COMMD8: variants seen among roughly 807,000 people sequenced by gnomAD.
COMMD8 encodes COMM domain-containing protein 8.
A neutral mutation model predicts 27.2 loss-of-function variants in COMMD8; 28 were observed. The ratio of observed to expected loss-of-function variants is 1.03; its 90% CI spans 0.76 to 1.41. The LOEUF is 1.41. Ranked by LOEUF, COMMD8 falls within the 40% of genes most tolerant of loss-of-function variation. The probability of loss-of-function intolerance (pLI) is 0.00; values close to 1 mark genes in which losing one functional copy is unlikely to be tolerated. For synonymous variants in COMMD8, 79 were observed against 75.5 expected, an observed-to-expected ratio of 1.05 and a Z score of -0.24; for missense variants, 217 against 211.2, an observed-to-expected ratio of 1.03 and a Z score of -0.17.
At position 47,451,070 on chromosome 4, in the gene COMMD8, C is replaced by T. The variant is rs1247232029; in HGVS notation, c.*575G>A. Reference sequence around the variant, plus strand: ...GAATTCATAAACTCAAAACTGTTCACATAAGTTTAGAGTATTTGTTCTTGT... The same window carrying T: ...GAATTCATAAACTCAAAACTGTTCATATAAGTTTAGAGTATTTGTTCTTGT... On this transcript the variant is annotated 3_prime_UTR_variant, in exon 5 of 5. Coordinates refer to ENST00000381571, the MANE Select transcript of COMMD8 (RefSeq NM_017845.5). The T allele has an allele frequency of 6.6e-6, 1 of 152,192 alleles. No individual in the cohort carries two copies. The highest frequency in any genetic ancestry group is 2.4e-5 in the African/African-American group (1 of 41,436). The allele number at this position is 152,192 out of a possible 1,614,324, so 9.4% of individuals were successfully genotyped here.
chr4:47,460,075 C>A, intron 2 of COMMD8, 69 bp downstream of exon 2: 1 of 1,298,914 alleles, frequency 7.7e-7, no homozygotes, highest in Non-Finnish European at 1.1e-6. Flanking sequence ...TTATACATTG[C>A]TCTAAAAAAC....
At chr4:47,451,794 T>G (rs570071894) in intron 4 of COMMD8, 129 bp from the exon 5 acceptor site, 1 of 615,720 alleles carries the variant, frequency 1.6e-6, no homozygotes, top group South Asian at 2.2e-5. Flanking sequence ...CAATGCACAG[T>G]AACTGATGAC....
Position 47,460,176 on chromosome 4 carries a change from C to T in COMMD8, c.190G>A (p.Ala64Thr), listed in dbSNP as rs1729987100. 6.2e-7 allele frequency: 1 copy of T among 1,613,590 alleles called. No homozygotes were observed. The highest frequency in any genetic ancestry group is 8.5e-7 in the Non-Finnish European group (1 of 1,179,742). ...TCAGGTAAGTTTTTACCAACTATGGCTTTGAAAAATTTGGCAATATCTTCT... is the reference window on the plus strand; with the variant it reads ...TCAGGTAAGTTTTTACCAACTATGGTTTTGAAAAATTTGGCAATATCTTCT... ...VLEDIAKFFK[A>T]IVGKNLPDEE... The change falls in exon 2 of 5, where the codon GCC becomes ACC. Residue 64 changes from alanine (A) to threonine (T), a missense_variant. By Grantham distance (58) the Ala-to-Thr change is moderately conservative. Coordinates refer to ENST00000381571, the MANE Select transcript of COMMD8 (RefSeq NM_017845.5).
intron 2 of COMMD8, among the ~76,000 whole-genome samples, chr4:47,459,111 C>A (rs992964031): frequency 2.6e-5 from 4 of 152,016 alleles, no homozygotes; most frequent in African/African-American, 9.7e-5. Flanking sequence ...TGAAACAAAA[C>A]ATTAATAGTA....
chr4:47,462,370 C>T (rs193070718), intron 1 of COMMD8, among the ~76,000 whole-genome samples: 10 of 151,998 alleles, frequency 6.6e-5, no homozygotes, highest in South Asian at 4.2e-4. Context: ...TTGAGAGGGG[C>T]TGGGTGAAAG....
At chr4:47,460,920 A>G (rs1399809118) in intron 1 of COMMD8, among the ~76,000 whole-genome samples, 2 of 152,234 alleles carry the variant, frequency 1.3e-5, no homozygotes, top group Non-Finnish European at 2.9e-5. Context: ...TAACACATGT[A>G]TAACTGAGCA....
chr4:47,456,156 A>T (rs1172437461), intron 3 of COMMD8, among the ~76,000 whole-genome samples: 1 of 151,804 alleles, frequency 6.6e-6, no homozygotes, highest in Non-Finnish European at 1.5e-5. Context: ...CTGAGGCAGA[A>T]GAATTGCTTG....
chr4:47,457,440 G>A (rs1250921371), intron 2 of COMMD8, among the ~76,000 whole-genome samples: 2 of 150,780 alleles, frequency 1.3e-5, no homozygotes, highest in African/African-American at 2.4e-5. Flanking sequence ...ACAAAGAAAC[G>A]AAAAAAAATC....
At chr4:47,454,683 T>C (rs887914653) in intron 3 of COMMD8, among the ~76,000 whole-genome samples, 2 of 152,008 alleles carry the variant, frequency 1.3e-5, no homozygotes, top group Middle Eastern at 3.4e-3. Context: ...ATGACCGACA[T>C]GGCAAAACCC....
intron 3 of COMMD8, 43 bp downstream of exon 3, chr4:47,456,534 C>A: frequency 3.5e-6 from 5 of 1,419,906 alleles, no homozygotes; most frequent in Non-Finnish European, 4.7e-6. Context: ...TTCTCTATAT[C>A]CAAAAAATGA....
chr4:47,451,770 A>C, intron 4 of COMMD8, 105 bp from the exon 5 acceptor site: 3 of 776,734 alleles, frequency 3.9e-6, no homozygotes, highest in Middle Eastern at 2.5e-4. Flanking sequence ...TGGAGAACTC[A>C]TAACAAGCAA....
chr4:47,452,581 T>C (rs1242991101), intron 4 of COMMD8, among the ~76,000 whole-genome samples: 3 of 152,232 alleles, frequency 2.0e-5, no homozygotes, highest in Non-Finnish European at 4.4e-5. Flanking sequence ...CAAGTTATAA[T>C]TAATATCTAA....
At chr4:47,457,843 G>GAAA (rs200822978) in intron 2 of COMMD8, among the ~76,000 whole-genome samples, 1 of 114,030 alleles carries the variant, frequency 8.8e-6, no homozygotes, top group African/African-American at 3.1e-5. Flanking sequence ...GGGAGGAAAA[G>GAAA]AAAAAAAAAA....
At chr4:47,456,483 C>G (rs1435277142) in intron 3 of COMMD8, 94 bp downstream of exon 3, 2 of 883,804 alleles carry the variant, frequency 2.3e-6, no homozygotes, top group Non-Finnish European at 3.2e-6. Flanking sequence ...TAATACATTC[C>G]CAAAATAACA....
chr4:47,456,792 C>G, intron 2 of COMMD8, 63 bp from the exon 3 acceptor site: 1 of 1,263,922 alleles, frequency 7.9e-7, no homozygotes, highest in East Asian at 2.7e-5. Context: ...CAATTCCACT[C>G]TCCTTTTGCA....
At chr4:47,453,525 G>C (rs1221063642) in intron 3 of COMMD8, among the ~76,000 whole-genome samples, 1 of 152,138 alleles carries the variant, frequency 6.6e-6, no homozygotes, top group Non-Finnish European at 1.5e-5. Flanking sequence ...AAGAAACAGA[G>C]AATTCTTAAA....
At position 47,457,350 on chromosome 4, in the gene COMMD8, G is replaced by A. The variant is rs142606190; in HGVS notation, c.223-621C>T. Among the ~76,000 whole-genome samples, 47 of 152,090 alleles carry A rather than the reference G, an allele frequency of 3.1e-4. 1 individual carries two copies. In the East Asian group the frequency reaches 6.4e-3, roughly 21 times the overall value. On this transcript the variant is annotated intron_variant, in intron 2 of 4. Coordinates refer to ENST00000381571, the MANE Select transcript of COMMD8 (RefSeq NM_017845.5). ...CCATAGCTTCAAAATATATAAAGCA[G>A]CAAAATTTGGCAATACTAAAAGAAA...
rs1729743338 is a variant in COMMD8, at chr4:47,451,218, T to C, written c.*427A>G. The stretch of plus-strand genomic sequence containing the variant: ...CAGCTTATACATTCTTTGAAAAAAT[T>C]ATTTTTTAAAAATATCACAAAGTAT... On this transcript the variant is annotated 3_prime_UTR_variant, in exon 5 of 5. Coordinates refer to ENST00000381571, the MANE Select transcript of COMMD8 (RefSeq NM_017845.5). 6.3e-6 allele frequency: 1 copy of C among 157,688 alleles called. No homozygotes were observed. The highest frequency in any genetic ancestry group is 1.4e-5 in the Non-Finnish European group (1 of 71,820). 9.8% of individuals were successfully genotyped at this position (157,688 alleles called of 1,614,324 possible). A position where few individuals can be genotyped will look rare whatever the true frequency, so the allele number is the denominator to read the frequency against.
intron 4 of COMMD8, among the ~76,000 whole-genome samples, chr4:47,452,858 T>G (rs1419568673): frequency 6.6e-6 from 1 of 152,120 alleles, no homozygotes; most frequent in African/African-American, 2.4e-5. Context: ...TAGCCAGGCC[T>G]GGTGGCAGGC....
Sources: allele counts gnomAD v4.1 joint callset (sites outside exome capture counted in the v4.1 genomes callset), GRCh38; gene constraint gnomAD v4.1.1; transcripts MANE v1.5; gene names NCBI Gene and HGNC (gene_info 2026-07-23, HGNC 2026-07-21).